Variants in PAX7 observed in about 807,000 individuals in gnomAD.
PAX7 encodes the protein paired box 7.
A neutral mutation model predicts 50.7 loss-of-function variants in PAX7; 18 were observed. The observed-to-expected ratio is 0.36, with a 90% CI of 0.25 to 0.53. PAX7 has a LOEUF of 0.53. Ranked by LOEUF, PAX7 falls within the 20% of genes least tolerant of loss-of-function variation. PAX7 has a pLI of 0.93. For synonymous variants in PAX7, 310 were observed against 290.4 expected (o/e 1.07, Z -0.69); for missense variants, 644 against 702.9 (o/e 0.92, Z 0.95).
chr1:18,693,429 G>A (rs2089104456), intron 5 of PAX7, among the ~76,000 whole-genome samples: 1 of 152,192 alleles, frequency 6.6e-6, no homozygotes, highest in Non-Finnish European at 1.5e-5. Flanking sequence ...CAAGCTGGAT[G>A]GGGGCTGAGC....
intron 7 of PAX7, among the ~76,000 whole-genome samples, chr1:18,715,110 T>C (rs2089402263): frequency 6.6e-6 from 1 of 152,126 alleles, no homozygotes; most frequent in Non-Finnish European, 1.5e-5. Context: ...CAAAGGAGAC[T>C]TGTGCTCTCC....
chr1:18,679,579 C>T (rs1236887514), intron 4 of PAX7, among the ~76,000 whole-genome samples: 1 of 152,184 alleles, frequency 6.6e-6, no homozygotes, highest in Non-Finnish European at 1.5e-5. Context: ...CTTCCTCTGG[C>T]CCCTTAGTGC....
chr1:18,728,993 G>T (rs1403023562), intron 7 of PAX7, among the ~76,000 whole-genome samples: 1 of 152,202 alleles, frequency 6.6e-6, no homozygotes, highest in Admixed American at 6.5e-5. Context: ...CCAGTCCTCA[G>T]CCTGCTCTGA....
chr1:18,673,655 G>A lies in PAX7; in HGVS notation c.587-18099G>A, dbSNP rs2743216. ...AAAACACATCAAACTTTTAAAAGGCGTCAACAGCAGGATCAAATTGGATTT... is the reference window on the plus strand; with the variant it reads ...AAAACACATCAAACTTTTAAAAGGCATCAACAGCAGGATCAAATTGGATTT... On this transcript the variant is annotated intron_variant, in intron 4 of 8. Coordinates refer to ENST00000420770, the MANE Select transcript of PAX7 (RefSeq NM_001135254.2). 7.5e-3 allele frequency among the ~76,000 whole-genome samples: 1,135 copies of A among 152,252 alleles called. 12 individuals carry two copies. The highest frequency in any genetic ancestry group is 0.024 in the African/African-American group (996 of 41,524).
At chr1:18,653,393 G>A (rs1359381934) in intron 4 of PAX7, among the ~76,000 whole-genome samples, 1 of 152,112 alleles carries the variant, frequency 6.6e-6, no homozygotes, top group Admixed American at 6.6e-5. Context: ...GTGTACGCAC[G>A]GTTACAGTGG....
At chr1:18,725,732 C>G (rs1304285082) in intron 7 of PAX7, among the ~76,000 whole-genome samples, 3 of 152,226 alleles carry the variant, frequency 2.0e-5, no homozygotes, top group African/African-American at 7.2e-5. Flanking sequence ...CAGAGTCACT[C>G]TAATCCCTCG....
chr1:18,709,355 G>GA (rs2089322365), intron 7 of PAX7, among the ~76,000 whole-genome samples: 1 of 152,156 alleles, frequency 6.6e-6, no homozygotes. Flanking sequence ...AGCTTAAAAC[G>GA]AAGGAAGCCA....
chr1:18,741,177 G>A (rs1048629971), intron 8 of PAX7, among the ~76,000 whole-genome samples: 7 of 152,342 alleles, frequency 4.6e-5, no homozygotes, highest in African/African-American at 1.4e-4. Context: ...GGCCAGGCAT[G>A]GTGGCTCACA....
At chr1:18,671,597 G>A (rs1053194544) in intron 4 of PAX7, among the ~76,000 whole-genome samples, 1 of 152,126 alleles carries the variant, frequency 6.6e-6, no homozygotes, top group Admixed American at 6.5e-5. Context: ...CATCTCGGAG[G>A]GCTCAGCAGG....
chr1:18,713,055 CG>C (rs2089375656), intron 7 of PAX7, among the ~76,000 whole-genome samples: 1 of 151,964 alleles, frequency 6.6e-6, no homozygotes, highest in African/African-American at 2.4e-5. Flanking sequence ...GCCTTCAAGC[CG>C]GGGCAACAGA....
At chr1:18,741,780 G>A (rs1931147625) in intron 8 of PAX7, among the ~76,000 whole-genome samples, 5 of 152,332 alleles carry the variant, frequency 3.3e-5, no homozygotes, top group South Asian at 2.1e-4. Context: ...GCCTGGAGCA[G>A]AACATGGGAT....
intron 4 of PAX7, among the ~76,000 whole-genome samples, chr1:18,656,994 AAAAT>A (rs556191033): frequency 2.4e-4 from 36 of 152,224 alleles, no homozygotes; most frequent in Non-Finnish European, 4.0e-4. Context: ...CCTGTCTCAA[AAAAT>A]AAATAAAGAA....
At chr1:18,743,718 C>T (rs1931276500) in intron 8 of PAX7, among the ~76,000 whole-genome samples, 1 of 152,204 alleles carries the variant, frequency 6.6e-6, no homozygotes, top group Non-Finnish European at 1.5e-5. Context: ...AGAATTAGTA[C>T]AGTCAAGACA....
chr1:18,667,391 A>AAGG (rs1553136571), intron 4 of PAX7, among the ~76,000 whole-genome samples: 82 of 113,450 alleles, frequency 7.2e-4, no homozygotes, highest in African/African-American at 2.1e-3. Context: ...AAGGAAGGAG[A>AAGG]AAGGAAGGAA....
intron 7 of PAX7, among the ~76,000 whole-genome samples, chr1:18,705,791 C>A (rs914426577): frequency 6.6e-6 from 1 of 152,178 alleles, no homozygotes; most frequent in African/African-American, 2.4e-5. Flanking sequence ...CAGCCCTCCA[C>A]CCAGCCCAGA....
At chr1:18,685,202 G>T (rs2088957058) in intron 4 of PAX7, among the ~76,000 whole-genome samples, 1 of 152,204 alleles carries the variant, frequency 6.6e-6, no homozygotes, top group Non-Finnish European at 1.5e-5. Context: ...GTAGAATGGG[G>T]ATAACACTGC....
intron 7 of PAX7, among the ~76,000 whole-genome samples, chr1:18,703,888 G>A (rs1277919218): frequency 6.6e-6 from 1 of 152,232 alleles, no homozygotes; most frequent in Non-Finnish European, 1.5e-5. Flanking sequence ...TAGTGTGGCA[G>A]AACAGTGAAG....
intron 4 of PAX7, among the ~76,000 whole-genome samples, chr1:18,682,204 G>A (rs2088911151): frequency 6.6e-6 from 1 of 152,136 alleles, no homozygotes; most frequent in Admixed American, 6.5e-5. Flanking sequence ...TTGAACCTGT[G>A]GGGGTCTCTC....
intron 7 of PAX7, among the ~76,000 whole-genome samples, chr1:18,720,387 A>G (rs1222412937): frequency 6.6e-6 from 1 of 152,100 alleles, no homozygotes; most frequent in Non-Finnish European, 1.5e-5. Flanking sequence ...TTCTGTACTC[A>G]GCCAACACCC....
Sources: allele counts gnomAD v4.1 joint callset (sites outside exome capture counted in the v4.1 genomes callset), GRCh38; gene constraint gnomAD v4.1.1; transcripts MANE v1.5; gene names NCBI Gene and HGNC (gene_info 2026-07-23, HGNC 2026-07-21).